Variants in CFAP70 observed in about 807,000 individuals in gnomAD.
CFAP70 encodes the protein cilia- and flagella-associated protein 70.
In CFAP70, 81 loss-of-function variants were observed where a neutral mutation model predicts 137.6. The ratio of observed to expected loss-of-function variants is 0.59; its 90% confidence interval spans 0.49 to 0.71. The LOEUF is 0.71. Among genes scored for constraint, CFAP70 ranks in the 30% least tolerant of loss-of-function variants. CFAP70 has a pLI of 0.00. For missense variants in CFAP70, 976 were observed against 1,226.7 expected, an observed-to-expected ratio of 0.80 and a Z score of 3.05; for synonymous variants, 382 against 423.6, an observed-to-expected ratio of 0.90 and a Z score of 1.20.
At chr10:73,340,254 A>G (rs917025952) in intron 6 of CFAP70, among the ~76,000 whole-genome samples, 1 of 152,178 alleles carries the variant, frequency 6.6e-6, no homozygotes, top group Admixed American at 6.5e-5. Context: ...CTCTACAGGC[A>G]GGGCATCCCA....
chr10:73,302,707 A>G (rs2049041014), intron 12 of CFAP70, among the ~76,000 whole-genome samples: 1 of 152,162 alleles, frequency 6.6e-6, no homozygotes, highest in African/African-American at 2.4e-5. Context: ...TTATTTTATT[A>G]CGGAAATAGT....
chr10:73,347,771 C>A (rs1030209510), intron 4 of CFAP70, among the ~76,000 whole-genome samples: 9 of 152,154 alleles, frequency 5.9e-5, no homozygotes, highest in African/African-American at 2.2e-4. Context: ...TAGAAATTTT[C>A]AGTGAGAGGC....
intron 25 of CFAP70, among the ~76,000 whole-genome samples, chr10:73,257,847 G>A (rs1158071874): frequency 6.8e-6 from 1 of 147,288 alleles, no homozygotes; most frequent in Non-Finnish European, 1.5e-5. Context: ...AAACATCCTT[G>A]TACATTTCTT....
At chr10:73,335,012 T>C (rs977036877) in intron 7 of CFAP70, among the ~76,000 whole-genome samples, 3 of 150,914 alleles carry the variant, frequency 2.0e-5, no homozygotes, top group East Asian at 1.9e-4. Flanking sequence ...GCCTCACAAG[T>C]AGTAAGACTA....
chr10:73,351,109 A>G (rs1360705502), intron 3 of CFAP70, among the ~76,000 whole-genome samples: 25 of 92,856 alleles, frequency 2.7e-4, no homozygotes, highest in East Asian at 1.7e-3. Context: ...ATATATATAT[A>G]TATGTATGTT....
chr10:73,338,270 C>T (rs1375793688), intron 6 of CFAP70, among the ~76,000 whole-genome samples: 1 of 151,130 alleles, frequency 6.6e-6, no homozygotes, highest in African/African-American at 2.4e-5. Context: ...CTTGCCTCAG[C>T]TTCCCAAGGA....
chr10:73,266,008 T>G (rs1388524250), intron 25 of CFAP70, among the ~76,000 whole-genome samples: 2 of 152,188 alleles, frequency 1.3e-5, no homozygotes, highest in African/African-American at 4.8e-5. Flanking sequence ...AACTTTCATC[T>G]TTATGTCATC....
chr10:73,278,150 T>G (rs2046934757), intron 20 of CFAP70, 29 bp downstream of exon 21: 1 of 1,608,214 alleles, frequency 6.2e-7, no homozygotes, highest in Non-Finnish European at 8.5e-7. Context: ...ATGCCCCTCT[T>G]CCAAGTGGAA....
At chr10:73,309,097 G>T (rs1425952127) in intron 12 of CFAP70, among the ~76,000 whole-genome samples, 1 of 152,138 alleles carries the variant, frequency 6.6e-6, no homozygotes, top group African/African-American at 2.4e-5. Flanking sequence ...AGCTTTAAAA[G>T]TTGGTTTTTC....
chr10:73,315,876 A>T (rs1247409762), intron 9 of CFAP70, among the ~76,000 whole-genome samples: 1 of 152,070 alleles, frequency 6.6e-6, no homozygotes, highest in Non-Finnish European at 1.5e-5. Context: ...GATTTTCCAT[A>T]CAGTTGTCTT....
intron 25 of CFAP70, among the ~76,000 whole-genome samples, chr10:73,263,487 C>T (rs907019165): frequency 2.6e-5 from 4 of 152,166 alleles, no homozygotes; most frequent in Non-Finnish European, 2.9e-5. Flanking sequence ...CTTTGTGTTT[C>T]GTAACACTGG....
intron 24 of CFAP70, among the ~76,000 whole-genome samples, chr10:73,270,431 CTCTCCT>C (rs2046162544): frequency 7.3e-6 from 1 of 136,148 alleles, no homozygotes; most frequent in African/African-American, 2.8e-5. Flanking sequence ...CTCCTCTCCT[CTCTCCT>C]CTCCCCTCCC....
At chr10:73,259,087 A>T (rs2044851593) in intron 25 of CFAP70, among the ~76,000 whole-genome samples, 4 of 152,110 alleles carry the variant, frequency 2.6e-5, no homozygotes, top group Admixed American at 2.6e-4. Flanking sequence ...TTTGAAATCC[A>T]TAATAAAAAC....
intron 25 of CFAP70, among the ~76,000 whole-genome samples, chr10:73,256,981 CT>C (rs962174222): frequency 1.3e-5 from 2 of 151,580 alleles, no homozygotes; most frequent in African/African-American, 4.8e-5. Context: ...GGCCTCTCAC[CT>C]TTTTGAAAGC....
At chr10:73,326,650 G>A (rs193207385) in intron 8 of CFAP70, among the ~76,000 whole-genome samples, 6,413 of 151,356 alleles carry the variant, frequency 0.042, 377 homozygotes, top group African/African-American at 0.13. Flanking sequence ...AATGATAAAG[G>A]GGATATCACC....
intron 25 of CFAP70, among the ~76,000 whole-genome samples, chr10:73,267,544 T>C (rs891059572): frequency 1.3e-5 from 2 of 151,978 alleles, no homozygotes; most frequent in Admixed American, 1.3e-4. Context: ...TTGATGGGAG[T>C]GAGTGGCAAC....
intron 16 of CFAP70, 69 bp from the exon 18 acceptor site, chr10:73,292,083 T>A (rs1373452735): frequency 6.4e-7 from 1 of 1,553,248 alleles, no homozygotes; most frequent in Non-Finnish European, 8.8e-7. Flanking sequence ...CATCACATGG[T>A]AAACACTGTA....
At chr10:73,336,731 G>A (rs906323464) in intron 6 of CFAP70, among the ~76,000 whole-genome samples, 1 of 151,674 alleles carries the variant, frequency 6.6e-6, no homozygotes, top group South Asian at 2.1e-4. Context: ...GACTACAGGC[G>A]CACGCCACCA....
At chr10:73,256,312 C>T in intron 26 of CFAP70, 57 bp downstream of exon 27, 1 of 1,594,966 alleles carries the variant, frequency 6.3e-7, no homozygotes, top group South Asian at 1.1e-5. Context: ...GTACCTCCCT[C>T]CTAATTTCCC....
Sources: gnomAD v4.1 joint callset for allele counts (sites outside exome capture counted in the v4.1 genomes callset) on GRCh38, gnomAD v4.1.1 for gene constraint, MANE v1.5 for transcripts, NCBI Gene and HGNC (gene_info 2026-07-23, HGNC 2026-07-21) for gene names.